OSBPL7: variants seen among roughly 807,000 people sequenced by gnomAD.
OSBPL7 encodes oxysterol binding protein like 7, also known as oxysterol-binding protein-related protein 7.
A neutral mutation model predicts 115.8 loss-of-function variants in OSBPL7; 66 were observed. That is an observed-to-expected ratio of 0.57 (90% confidence interval 0.47 to 0.70). The LOEUF is 0.70. Ranked by LOEUF, OSBPL7 falls within the 30% of genes least tolerant of loss-of-function variation. OSBPL7 has a pLI of 0.00. For synonymous variants in OSBPL7, 441 were observed against 439.2 expected, an observed-to-expected ratio of 1.00 and a Z score of -0.05; for missense variants, 902 against 1,125.5, an observed-to-expected ratio of 0.80 and a Z score of 2.84.
intron 18 of OSBPL7, 87 bp downstream of exon 18, chr17:47,810,507 C>T: frequency 2.5e-6 from 3 of 1,212,054 alleles, no homozygotes; most frequent in East Asian, 4.8e-5. Flanking sequence ...CCTATCCCGT[C>T]CTTATCCTGT....
At position 47,810,615 on chromosome 17, in the gene OSBPL7, G is replaced by C. The variant is rs759090310; in HGVS notation, c.1859C>G (p.Thr620Arg). Residue 620 changes from threonine (T) to arginine (R), a missense_variant, in exon 18 of 23, where the codon ACA becomes AGA. Physicochemically the swap from Thr to Arg is moderately conservative, Grantham distance 71. Coordinates refer to ENST00000007414, the MANE Select transcript of OSBPL7 (RefSeq NM_145798.3). ...CCACCTGGGCAGGCTGACGTTGACTGTTCCCACAGGCACAATCTCCAGGGA... is the reference window on the plus strand; with the variant it reads ...CCACCTGGGCAGGCTGACGTTGACTCTTCCCACAGGCACAATCTCCAGGGA... ...GKSLEIVPVG[T>R]VNVSLPRFGD... 1 of 1,614,142 alleles carries C rather than the reference G, an allele frequency of 6.2e-7. No homozygotes were observed. Among genetic ancestry groups the C allele is most frequent in the Non-Finnish European group, 8.5e-7 (1 of 1,179,992 alleles).
At position 47,808,315 on chromosome 17, in the gene OSBPL7, G is replaced by A. The variant is rs1169331815; in HGVS notation, c.2505C>T (p.Asn835=). The A allele has an allele frequency of 6.2e-7, 1 of 1,613,720 alleles. No individual in the cohort carries two copies. Among genetic ancestry groups the A allele is most frequent in the Non-Finnish European group, 8.5e-7 (1 of 1,179,878 alleles). Residue 835 remains asparagine, a synonymous_variant, in exon 23 of 23, where the codon AAC becomes AAT. Coordinates refer to ENST00000007414, the MANE Select transcript of OSBPL7 (RefSeq NM_145798.3). The surrounding 1 kb of genome is among the most constrained non-coding windows in gnomAD (Gnocchi z 6.1). ...WRLRAEPGYG[N]MDGAVLW ...GCTACCAGAGCACGGCCCCATCCATGTTCCCATAGCCTGGCTCGGCCCGCA... is the reference window on the plus strand; with the variant it reads ...GCTACCAGAGCACGGCCCCATCCATATTCCCATAGCCTGGCTCGGCCCGCA...
At position 47,809,467 on chromosome 17, in the gene OSBPL7, T is replaced by G; in HGVS notation, c.1892A>C (p.His631Pro). Reference sequence around the variant, plus strand: ...GGATGTCACCTTGTTCCACTCAAAGTGGTCCCCAAACCTGAGAAAGACAAG... The same window carrying G: ...GGATGTCACCTTGTTCCACTCAAAGGGGTCCCCAAACCTGAGAAAGACAAG... ...VNVSLPRFGD[H>P]FEWNKVTSCI... Residue 631 changes from histidine to proline, a missense_variant, in exon 19 of 23, where the codon CAC becomes CCC. This residue lies in a region of OSBPL7 where 230 missense variants were observed against 312.7 expected (regional missense o/e 0.74). Transcript: ENST00000007414. 6.2e-7 allele frequency: 1 copy of G among 1,612,030 alleles called. No individual in the cohort carries two copies. Among genetic ancestry groups the G allele is most frequent in the Non-Finnish European group, 8.5e-7 (1 of 1,178,262 alleles).
At chr17:47,810,534 C>G (rs1246005328) in intron 18 of OSBPL7, 60 bp downstream of exon 18, 3 of 1,488,784 alleles carry the variant, frequency 2.0e-6, no homozygotes, top group Non-Finnish European at 1.9e-6. Flanking sequence ...GGCCACGCCC[C>G]CTCCAGCCTG....
chr17:47,820,236 C>T lies in OSBPL7; in HGVS notation c.43G>A (p.Ala15Thr), dbSNP rs140092933. The T allele has an allele frequency of 2.1e-4, 333 of 1,613,926 alleles. 1 individual carries two copies. In the East Asian group the frequency reaches 4.4e-3, roughly 21 times the overall value. Residue 15 changes from alanine (A) to threonine (T), a missense_variant, in exon 2 of 23, where the codon GCT becomes ACT. By Grantham distance (58) the Ala-to-Thr change is moderately conservative. This residue lies in a region of OSBPL7 where 667 missense variants were observed against 788.7 expected (regional missense o/e 0.85). Coordinates refer to ENST00000007414, the MANE Select transcript of OSBPL7 (RefSeq NM_145798.3). The part of the protein sequence containing the change: ...ERDPPFLPES[A>T]QSSKPSSAQQ... ...GCACTGCTGGGCTTTGAGGACTGAG[C>T]GCTCTCAGGCAGGAAGGGCGGGTCC...
In OSBPL7 at chr17:47,816,343, T is replaced by C. The variant is rs1362335631; in HGVS notation, c.1023+45A>G. 6.7e-7 allele frequency: 1 copy of C among 1,487,936 alleles called. No homozygotes were observed. The allele number at this position is 1,487,936 out of a possible 1,614,324, so 92.2% of individuals were successfully genotyped here. ...GACCCCAGGCTGGCAGTCCTCAGCT[T>C]GAAGCCCTCTCCCCGCACCAGTCAC... On this transcript the variant is annotated intron_variant, in intron 11 of 22. Transcript: ENST00000007414. This position sits in a 1 kb window ranked among gnomAD's most constrained non-coding sequence, Gnocchi z 5.8.
Position 47,809,444 on chromosome 17 carries a change from A to T in OSBPL7, c.1915T>A (p.Ser639Thr), listed in dbSNP as rs2032966553. ...CCACTCAGGACATTGTGAATGCAGG[A>T]TGTCACCTTGTTCCACTCAAAGTGG... Reference protein sequence around the residue: ...GDHFEWNKVTSCIHNVLSGQR... With the variant: ...GDHFEWNKVTTCIHNVLSGQR... The change falls in exon 19 of 23, where the codon TCC (serine) becomes ACC (threonine). Residue 639 changes from serine to threonine, a missense_variant. Coordinates refer to ENST00000007414, the MANE Select transcript of OSBPL7 (RefSeq NM_145798.3). 12 of 1,613,868 alleles carry T rather than the reference A, an allele frequency of 7.4e-6. No homozygotes were observed. Among genetic ancestry groups the T allele is most frequent in the Non-Finnish European group, 9.3e-6 (11 of 1,179,776 alleles).
chr17:47,819,912 G>GGC, intron 3 of OSBPL7, 59 bp downstream of exon 3: 17 of 1,485,404 alleles, frequency 1.1e-5, no homozygotes, highest in African/African-American at 1.4e-5. Flanking sequence ...CCCAGCAGCT[G>GGC]CCCCCCATTC....
At chr17:47,809,018 G>A (rs957068620) in intron 20 of OSBPL7, 28 bp from the exon 21 acceptor site, 6 of 1,613,810 alleles carry the variant, frequency 3.7e-6, no homozygotes, top group Non-Finnish European at 5.1e-6. Flanking sequence ...GCTGGGGCAG[G>A]TGCACCATGC....
chr17:47,812,131 GA>G (rs1435656595), intron 16 of OSBPL7, among the ~76,000 whole-genome samples: 25 of 152,196 alleles, frequency 1.6e-4, no homozygotes, highest in African/African-American at 5.8e-4. Flanking sequence ...AAAATTTTTG[GA>G]AAATAGTCTG....
rs1456987367 is a variant in OSBPL7 at position 47,816,846 on chromosome 17, C to T, written c.729G>A (p.Lys243=). 1 of 1,614,020 alleles carries T rather than the reference C, an allele frequency of 6.2e-7. No homozygotes were observed. The highest frequency in any genetic ancestry group is 8.5e-7 in the Non-Finnish European group (1 of 1,180,042). The stretch of plus-strand genomic sequence containing the variant: ...ACATGCGGCTTGTCCGTTTCCCCTT[C>T]TTGGGTCTTTCGGTTGTCACTGAGG... ...HQASVTTERP[K]KGKRTSRMWC... Residue 243 remains lysine, a synonymous_variant, in exon 9 of 23, where the codon AAG becomes AAA. Coordinates refer to ENST00000007414, the MANE Select transcript of OSBPL7 (RefSeq NM_145798.3). This position sits in a 1 kb window ranked among gnomAD's most constrained non-coding sequence, Gnocchi z 5.8.
rs1567938114 is a variant in OSBPL7, at chr17:47,809,187, G to C, written c.2059C>G (p.Gln687Glu). Residue 687 changes from glutamine (Q) to glutamate (E), a missense_variant, in exon 20 of 23, where the codon CAG becomes GAG. By Grantham distance (29) the Gln-to-Glu change is conservative. Around this residue, in one of 3 missense-constraint regions of OSBPL7, gnomAD observed 230 missense variants for 312.7 expected, o/e 0.74. Coordinates refer to ENST00000007414, the MANE Select transcript of OSBPL7 (RefSeq NM_145798.3). ...CCACTCCGACTGAGCACAGCGCCCT[G>C]CACCTCGTGGACATTGGAACTCCAG... is the stretch of plus-strand genomic sequence containing the variant. ...KYWSSNVHEVQGAVLSRSGRV... is the reference protein window; with the variant it reads ...KYWSSNVHEVEGAVLSRSGRV... 6.2e-7 allele frequency: 1 copy of C among 1,614,162 alleles called. No homozygotes were observed. Among genetic ancestry groups the C allele is most frequent in the Non-Finnish European group, 8.5e-7 (1 of 1,180,036 alleles).
intron 4 of OSBPL7, 130 bp from the exon 5 acceptor site, chr17:47,819,229 C>G (rs1797908073): frequency 1.5e-6 from 1 of 689,434 alleles, no homozygotes; most frequent in Non-Finnish European, 2.6e-6. Context: ...GTCCAAGTCA[C>G]ACTATCAGTA....
In OSBPL7 at chr17:47,816,078, G is replaced by A. The variant is rs372344656; in HGVS notation, c.1119+29C>T. The stretch of plus-strand genomic sequence containing the variant: ...CTGGGAGAGAAGGCACAGGAGAATC[G>A]GCCCCCACAGCCCACCCTGGCTCCT... On this transcript the variant is annotated intron_variant, in intron 12 of 22. Transcript: ENST00000007414. The surrounding 1 kb of genome is among the most constrained non-coding windows in gnomAD (Gnocchi z 5.8). 84 of 1,525,194 alleles carry A rather than the reference G, an allele frequency of 5.5e-5. No individual in the cohort carries two copies. Among genetic ancestry groups the A allele is most frequent in the East Asian group, 1.2e-4 (5 of 40,572 alleles). 94.5% of individuals were successfully genotyped at this position (1,525,194 alleles called of 1,614,324 possible).
At chr17:47,813,239 G>T in intron 16 of OSBPL7, 27 bp downstream of exon 16, 1 of 1,612,820 alleles carries the variant, frequency 6.2e-7, no homozygotes, top group East Asian at 2.2e-5. Context: ...GACACCCAAG[G>T]CCAGCCCTCT....
chr17:47,808,621 C>T lies in OSBPL7; in HGVS notation c.2337G>A (p.Gln779=), dbSNP rs2032933390. The T allele has an allele frequency of 6.2e-7, 1 of 1,614,252 alleles. No individual in the cohort carries two copies. Among genetic ancestry groups the T allele is most frequent in the East Asian group, 2.2e-5 (1 of 44,886 alleles). The part of the protein sequence containing the change: ...EEGNIQAAEA[Q]KRRIEQLQRD... ...GCTGCAGCTGCTCGATCCTTCTCTT[C>T]TGGGCCTCAGCGGCCTGTATGTTCC... The change falls in exon 22 of 23, where the codon CAG becomes CAA. Residue 779 remains glutamine, a synonymous_variant. Transcript: ENST00000007414. This position sits in a 1 kb window ranked among gnomAD's most constrained non-coding sequence, Gnocchi z 6.1.
chr17:47,809,890 TC>T (rs2032983265), intron 18 of OSBPL7, among the ~76,000 whole-genome samples: 1 of 140,238 alleles, frequency 7.1e-6, no homozygotes, highest in African/African-American at 2.8e-5. Context: ...ATCACTATTT[TC>T]TTTTCTTTTC....
At chr17:47,815,924 C>T (rs183682432) in intron 12 of OSBPL7, 183 bp downstream of exon 12, 90 of 556,948 alleles carry the variant, frequency 1.6e-4, no homozygotes, top group Non-Finnish European at 2.3e-4. Flanking sequence ...AAGTACCCTG[C>T]ACGTTGTTAC....
rs759797217 is a variant in OSBPL7, at chr17:47,818,353, C to A, written c.514G>T (p.Ala172Ser). Residue 172 changes from alanine to serine, a missense_variant, in exon 7 of 23, where the codon GCC becomes TCC. By Grantham distance (99) the Ala-to-Ser change is moderately conservative. Coordinates refer to ENST00000007414, the MANE Select transcript of OSBPL7 (RefSeq NM_145798.3). ...GGTCCAAGCCCAGGTAGGGCTGAGG[C>A]AGTAGCTGCTGTTGGAAGCTGGGCA... Reference protein sequence around the residue: ...PGAQLPTAATASALPGLGPRE... With the variant: ...PGAQLPTAATSSALPGLGPRE... The A allele has an allele frequency of 6.2e-7, 1 of 1,614,120 alleles. No homozygotes were observed. Among genetic ancestry groups the A allele is most frequent in the East Asian group, 2.2e-5 (1 of 44,890 alleles).
Sources: gnomAD v4.1 joint callset for allele counts (sites outside exome capture counted in the v4.1 genomes callset) on GRCh38, gnomAD v4.1.1 for gene constraint, gnomAD v4.1.1 regional missense constraint, Gnocchi (gnomAD v3.1) non-coding constraint, MANE v1.5 for transcripts, NCBI Gene and HGNC (gene_info 2026-07-23, HGNC 2026-07-21) for gene names.